The following MED1 variants were observed in gnomAD, a reference collection of about 807,000 sequenced individuals.
MED1 encodes the protein mediator complex subunit 1.
Under a neutral mutation model 121.3 loss-of-function variants are expected in MED1, and 17 were observed. That is an observed-to-expected ratio of 0.14 (90% confidence interval 0.10 to 0.21). The LOEUF is 0.21. Among genes scored for constraint, MED1 ranks in the 10% least tolerant of loss-of-function variants. The probability of loss-of-function intolerance (pLI) is 1.00; values close to 1 mark genes in which losing one functional copy is unlikely to be tolerated. For synonymous variants in MED1, 661 were observed against 694.4 expected (o/e 0.95, Z 0.76); for missense variants, 1,558 against 1,919.4 (o/e 0.81, Z 3.52).
chr17:39,416,960 C>A (rs1295808485), intron 14 of MED1, among the ~76,000 whole-genome samples: 1 of 152,110 alleles, frequency 6.6e-6, no homozygotes, highest in Non-Finnish European at 1.5e-5. Flanking sequence ...ATCACTTGAG[C>A]CCAGGAGTTT....
chr17:39,413,671 C>T (rs2048376735), intron 16 of MED1, among the ~76,000 whole-genome samples: 1 of 151,934 alleles, frequency 6.6e-6, no homozygotes, highest in South Asian at 2.1e-4. Context: ...GAGGTCAACA[C>T]TTCAGTGAGC....
intron 16 of MED1, among the ~76,000 whole-genome samples, chr17:39,414,223 C>CAA (rs1256139704): frequency 8.7e-6 from 1 of 114,346 alleles, no homozygotes; most frequent in Non-Finnish European, 1.8e-5. Context: ...GACTCCATCT[C>CAA]AAAAAAAAAA....
intron 16 of MED1, among the ~76,000 whole-genome samples, chr17:39,413,181 T>C (rs987680978): frequency 5.9e-5 from 9 of 152,090 alleles, no homozygotes; most frequent in African/African-American, 2.2e-4. Context: ...TTCAAGCAAT[T>C]CTCCCGCCTC....
chr17:39,443,474 C>A, intron 3 of MED1, 76 bp downstream of exon 3: 2 of 1,286,000 alleles, frequency 1.6e-6, no homozygotes, highest in Non-Finnish European at 1.1e-6. Context: ...TTTTTTACTT[C>A]TAGTTTAAGT....
chr17:39,438,405 G>A (rs1318051809), intron 6 of MED1, among the ~76,000 whole-genome samples: 2 of 146,060 alleles, frequency 1.4e-5, no homozygotes, highest in South Asian at 2.2e-4. Context: ...GTGCAGTGGC[G>A]AGATCTCAGC....
rs1229269648 is a variant in MED1 at position 39,440,020 on chromosome 17, AAGAAAGAAAGAAAGAGAGAAAG to A, written c.399+344_399+365del. On this transcript the variant is annotated intron_variant, in intron 5 of 16. Transcript: ENST00000300651. This position sits in a 1 kb window ranked among gnomAD's most constrained non-coding sequence, Gnocchi z 4.1. ...AAGGAAGGAAGGAAGGAAGGAAGGA[AAGAAAGAAAGAAAGAGAGAAAG>A]AGAAAGAAAGAAAAGAAAGAAAAGA... Among the ~76,000 whole-genome samples the A allele has an allele frequency of 1.2e-5, 1 of 82,136 alleles. No individual in the cohort carries two copies. The highest frequency in any genetic ancestry group is 4.4e-4 in the East Asian group (1 of 2,290). The allele number at this position is 82,136 out of a possible 152,430, so 53.9% of individuals were successfully genotyped here.
At chr17:39,415,389 A>G in intron 14 of MED1, 50 bp from the exon 15 acceptor site, 6 of 1,495,166 alleles carry the variant, frequency 4.0e-6, no homozygotes, top group Non-Finnish European at 5.5e-6. Flanking sequence ...AAGACTTCAC[A>G]CAGGCTGGGC....
intron 1 of MED1, among the ~76,000 whole-genome samples, chr17:39,450,793 T>C (rs1038092068): frequency 3.3e-5 from 5 of 152,164 alleles, no homozygotes; most frequent in African/African-American, 9.7e-5. Flanking sequence ...CTCCCACCAC[T>C]TTAGGCCAAA....
Position 39,422,289 on chromosome 17 carries a change from G to C in MED1, c.1095+1038C>G, listed in dbSNP as rs1407828848. Among the ~76,000 whole-genome samples, 3 of 143,254 alleles carry C rather than the reference G, an allele frequency of 2.1e-5. No homozygotes were observed. The Admixed American group carries it at 2.1e-4, about 10-fold the overall frequency. 94.0% of individuals were successfully genotyped at this position (143,254 alleles called of 152,430 possible). A position where few individuals can be genotyped will look rare whatever the true frequency, so the allele number is the denominator to read the frequency against. ...AGCAATTCTCCTGCCTCAGCCTCCC[G>C]AGTAGCTGGGACTACAGGTGCATGA... On this transcript the variant is annotated intron_variant, in intron 13 of 16. Coordinates refer to ENST00000300651, the MANE Select transcript of MED1 (RefSeq NM_004774.4).
rs1192306528 is a variant in MED1 at position 39,409,258 on chromosome 17, A to G, written c.2963T>C (p.Leu988Ser). The G allele has an allele frequency of 6.2e-7, 1 of 1,614,054 alleles. No homozygotes were observed. The highest frequency in any genetic ancestry group is 2.2e-5 in the East Asian group (1 of 44,880). ...TSNSTLSGPG[L>S]DSKPGKRSRT... ...ACTGCGCTTCCCTGGTTTGCTGTCT[A>G]ATCCGGGCCCCGAGAGAGTACTATT... The change falls in exon 17 of 17, where the codon TTA becomes TCA. Residue 988 changes from leucine to serine, a missense_variant. Leu to Ser is a moderately radical substitution (Grantham distance 145). This residue lies in a region of MED1 where 793 missense variants were observed against 898.2 expected (regional missense o/e 0.88). Coordinates refer to ENST00000300651, the MANE Select transcript of MED1 (RefSeq NM_004774.4).
chr17:39,407,873 G>A lies in MED1; in HGVS notation c.4348C>T (p.His1450Tyr). 6.2e-7 allele frequency: 1 copy of A among 1,614,142 alleles called. No individual in the cohort carries two copies. The highest frequency in any genetic ancestry group is 1.3e-5 in the African/African-American group (1 of 75,028). ...GGGGTATATGCTGGTGACTTACTAT[G>A]GCTGGGAGAGCCACGCTCATGCTTT... ...TPKHERGSPS[H>Y]SKSPAYTPQN... Residue 1450 changes from histidine to tyrosine, a missense_variant, in exon 17 of 17, where the codon CAT (histidine) becomes TAT (tyrosine). By Grantham distance (83) the His-to-Tyr change is moderately conservative (BLOSUM62 2). This residue lies in a region of MED1 where 264 missense variants were observed against 326.1 expected (regional missense o/e 0.81). Coordinates refer to ENST00000300651, the MANE Select transcript of MED1 (RefSeq NM_004774.4).
At chr17:39,443,302 C>T (rs2048696765) in intron 3 of MED1, among the ~76,000 whole-genome samples, 1 of 151,870 alleles carries the variant, frequency 6.6e-6, no homozygotes, top group Non-Finnish European at 1.5e-5. Flanking sequence ...ACCCAGCCTC[C>T]CCAGGTATCT....
chr17:39,444,069 G>A (rs141498307), intron 2 of MED1, among the ~76,000 whole-genome samples: 22 of 152,264 alleles, frequency 1.4e-4, no homozygotes, highest in Non-Finnish European at 2.5e-4. Context: ...GAGATCTGCC[G>A]CCTGTGGAAG....
At position 39,408,651 on chromosome 17, in the gene MED1, G is replaced by A. The variant is rs1163130165; in HGVS notation, c.3570C>T (p.Asn1190=). The A allele has an allele frequency of 6.8e-6, 11 of 1,614,052 alleles. No homozygotes were observed. Among genetic ancestry groups the A allele is most frequent in the Non-Finnish European group, 8.5e-6 (10 of 1,180,038 alleles). ...SLMNPSLSKP[N]ISPSHSRPPG... ...GTGGCCTTGAATGAGAAGGGGATAT[G>A]TTTGGTTTACTTAAAGAAGGATTCA... The change falls in exon 17 of 17, where the codon AAC becomes AAT. Residue 1190 remains asparagine (N), a synonymous_variant. Transcript: ENST00000300651. The surrounding 1 kb of genome is among the most constrained non-coding windows in gnomAD (Gnocchi z 4.7).
intron 11 of MED1, among the ~76,000 whole-genome samples, chr17:39,424,180 G>A (rs1287365237): frequency 6.6e-6 from 1 of 152,094 alleles, no homozygotes; most frequent in Non-Finnish European, 1.5e-5. Flanking sequence ...ACCATGCCTG[G>A]CCACAAACAC....
chr17:39,447,284 G>C (rs1358231106), intron 2 of MED1, among the ~76,000 whole-genome samples: 1 of 151,714 alleles, frequency 6.6e-6, no homozygotes, highest in Non-Finnish European at 1.5e-5. Context: ...CCAGCTATTC[G>C]GGAGGCTGAG....
chr17:39,429,507 C>A (rs1284439630), intron 9 of MED1, among the ~76,000 whole-genome samples: 3 of 151,458 alleles, frequency 2.0e-5, no homozygotes, highest in Non-Finnish European at 4.4e-5. Context: ...ACCAGCCTGG[C>A]CAACATGGTG....
chr17:39,436,906 T>C (rs541667146), intron 6 of MED1, among the ~76,000 whole-genome samples: 184 of 152,150 alleles, frequency 1.2e-3, no homozygotes, highest in Non-Finnish European at 1.2e-3. Flanking sequence ...TAGCTGGGAT[T>C]ACACGTGTGA....
chr17:39,406,045 G>A lies in MED1; in HGVS notation c.*1430C>T. The A allele has an allele frequency of 1.0e-6, 1 of 985,416 alleles. No homozygotes were observed. Among genetic ancestry groups the A allele is most frequent in the Non-Finnish European group, 1.2e-6 (1 of 829,902 alleles). 61.0% of individuals were successfully genotyped at this position (985,416 alleles called of 1,614,324 possible). ...AGTAAGGCCGCAGAATTTTTGAGAG[G>A]ACCCTCCAAATACTGAGAACTTCTG... On this transcript the variant is annotated 3_prime_UTR_variant, in exon 17 of 17. Transcript: ENST00000300651.
Sources: gnomAD v4.1 joint callset for allele counts (sites outside exome capture counted in the v4.1 genomes callset) on GRCh38, gnomAD v4.1.1 for gene constraint, gnomAD v4.1.1 regional missense constraint, Gnocchi (gnomAD v3.1) non-coding constraint, MANE v1.5 for transcripts, NCBI Gene and HGNC (gene_info 2026-07-23, HGNC 2026-07-21) for gene names.